PRELID2: variants seen among roughly 807,000 people sequenced by gnomAD.
PRELID2 encodes the protein PRELI domain-containing protein 2.
A neutral mutation model predicts 28.4 loss-of-function variants in PRELID2; 25 were observed. That is an observed-to-expected ratio of 0.88 (90% CI 0.64 to 1.23). The LOEUF is 1.23. Ranked by LOEUF, PRELID2 falls within the 50% of genes most tolerant of loss-of-function variation. The pLI is 0.00. For synonymous variants in PRELID2, 76 were observed against 71.6 expected, an observed-to-expected ratio of 1.06 and a Z score of -0.31; for missense variants, 201 against 214.4, an observed-to-expected ratio of 0.94 and a Z score of 0.39.
At chr5:145,700,624 C>T (rs1191074996) in intron 1 of PRELID2, among the ~76,000 whole-genome samples, 1 of 152,076 alleles carries the variant, frequency 6.6e-6, no homozygotes, top group Admixed American at 6.5e-5. Context: ...TCAAAGTACC[C>T]AAAAGTATCT....
chr5:145,589,042 G>C (rs954166702), intron 1 of PRELID2, among the ~76,000 whole-genome samples: 1 of 152,120 alleles, frequency 6.6e-6, no homozygotes, highest in South Asian at 2.1e-4. Context: ...TCCAGAAAGA[G>C]GGAGAAAGAG....
At chr5:145,425,536 A>G in the PRELID2 span, among the ~76,000 whole-genome samples, 4 of 152,234 alleles carry the variant, frequency 2.6e-5, no homozygotes, top group African/African-American at 9.6e-5. Context: ...CTGAATACAC[A>G]AAGTGTGGTA....
chr5:145,510,207 G>A (rs146581638), intron 1 of PRELID2, among the ~76,000 whole-genome samples: 80 of 152,242 alleles, frequency 5.3e-4, no homozygotes, highest in Non-Finnish European at 9.8e-4. Context: ...CTGTTGACAC[G>A]TGTTCACCTA....
chr5:145,424,013 AC>A, the PRELID2 span, among the ~76,000 whole-genome samples: 1 of 151,222 alleles, frequency 6.6e-6, no homozygotes, highest in Non-Finnish European at 1.5e-5. Flanking sequence ...TGTCAGTGTG[AC>A]CCTGCTGGGG....
At chr5:145,413,764 T>C in the PRELID2 span, among the ~76,000 whole-genome samples, 2 of 152,172 alleles carry the variant, frequency 1.3e-5, no homozygotes, top group African/African-American at 4.8e-5. Context: ...TTCAACTTTT[T>C]TAGGTTCCAT....
chr5:145,482,613 T>C (rs1752172183), intron 1 of PRELID2, among the ~76,000 whole-genome samples: 1 of 152,068 alleles, frequency 6.6e-6, no homozygotes, highest in South Asian at 2.1e-4. Context: ...ACTGGGTTGT[T>C]GGGAAGGGGA....
intron 1 of PRELID2, among the ~76,000 whole-genome samples, chr5:145,582,548 A>T (rs1205058535): frequency 6.6e-6 from 1 of 152,074 alleles, no homozygotes; most frequent in East Asian, 1.9e-4. Flanking sequence ...GAGCCAAATC[A>T]AAGCACTGTC....
chr5:145,667,356 T>G (rs1754614871), intron 1 of PRELID2, among the ~76,000 whole-genome samples: 1 of 152,060 alleles, frequency 6.6e-6, no homozygotes, highest in South Asian at 2.1e-4. Flanking sequence ...AAATACACAG[T>G]TGTATATTTT....
At chr5:145,378,714 T>A in the PRELID2 span, among the ~76,000 whole-genome samples, 1 of 152,212 alleles carries the variant, frequency 6.6e-6, no homozygotes, top group African/African-American at 2.4e-5. Flanking sequence ...TTAGCTTCCT[T>A]GGATTGGGTT....
At chr5:145,695,737 C>T (rs1358704346) in intron 1 of PRELID2, among the ~76,000 whole-genome samples, 1 of 152,160 alleles carries the variant, frequency 6.6e-6, no homozygotes, top group Non-Finnish European at 1.5e-5. Context: ...CCACAGGACC[C>T]TCACAACATG....
chr5:145,249,766 G>T, the PRELID2 span, among the ~76,000 whole-genome samples: 1 of 152,048 alleles, frequency 6.6e-6, no homozygotes, highest in African/African-American at 2.4e-5. Flanking sequence ...AATGCCTAAA[G>T]GGATATTATG....
At chr5:145,377,703 A>G in the PRELID2 span, among the ~76,000 whole-genome samples, 15 of 151,406 alleles carry the variant, frequency 9.9e-5, no homozygotes, top group Non-Finnish European at 1.8e-4. Flanking sequence ...TTCTTGGTAA[A>G]TTTTTCTCCA....
chr5:145,569,875 C>A (rs1753002188), intron 1 of PRELID2, among the ~76,000 whole-genome samples: 1 of 152,128 alleles, frequency 6.6e-6, no homozygotes, highest in African/African-American at 2.4e-5. Flanking sequence ...GCTCAGAAAG[C>A]TTGTGTTAGT....
At chr5:145,723,314 C>A (rs75664878) in intron 1 of PRELID2, among the ~76,000 whole-genome samples, 5,747 of 152,176 alleles carry the variant, frequency 0.038, 163 homozygotes, top group South Asian at 0.083. Flanking sequence ...TACAAAAACA[C>A]TACAGAAACG....
the PRELID2 span, among the ~76,000 whole-genome samples, chr5:145,327,814 G>A: frequency 6.6e-6 from 1 of 151,772 alleles, no homozygotes; most frequent in Non-Finnish European, 1.5e-5. Flanking sequence ...TTTAAGTTCT[G>A]GGATACATGT....
At chr5:145,697,182 A>G (rs1755298648) in intron 1 of PRELID2, among the ~76,000 whole-genome samples, 3 of 150,864 alleles carry the variant, frequency 2.0e-5, no homozygotes, top group African/African-American at 7.3e-5. Context: ...ATAATATAAG[A>G]CATATATTTG....
the PRELID2 span, among the ~76,000 whole-genome samples, chr5:145,257,206 T>C: frequency 6.6e-6 from 1 of 150,668 alleles, no homozygotes; most frequent in African/African-American, 2.5e-5. Context: ...GTGTGTAAAA[T>C]TTAACTATTT....
At chr5:145,375,056 G>A in the PRELID2 span, among the ~76,000 whole-genome samples, 1 of 152,128 alleles carries the variant, frequency 6.6e-6, no homozygotes. Context: ...TTGGAGAAGA[G>A]GCACTCTGGC....
intron 5 of PRELID2, among the ~76,000 whole-genome samples, chr5:145,778,310 C>T (rs1310933447): frequency 1.3e-5 from 2 of 152,074 alleles, no homozygotes; most frequent in East Asian, 1.9e-4. Flanking sequence ...GATACAGGGA[C>T]GACTGGACGA....
Sources: gnomAD v4.1 joint callset for allele counts (sites outside exome capture counted in the v4.1 genomes callset) on GRCh38, gnomAD v4.1.1 for gene constraint, MANE v1.5 for transcripts, NCBI Gene and HGNC (gene_info 2026-07-23, HGNC 2026-07-21) for gene names.